PRKD1: variants seen among roughly 807,000 people sequenced by gnomAD.
PRKD1 encodes the protein protein kinase D1, also known as serine/threonine-protein kinase D1.
In PRKD1, 63 loss-of-function variants were observed where a neutral mutation model predicts 95.9. That is an observed-to-expected ratio of 0.66 (90% CI 0.54 to 0.81). PRKD1 has a LOEUF of 0.81. Among genes scored for constraint, PRKD1 ranks in the 30% least tolerant of loss-of-function variants. The pLI is 0.00. For synonymous variants in PRKD1, 425 were observed against 423.1 expected (o/e 1.00, Z -0.05); for missense variants, 1,048 against 1,165.3 (o/e 0.90, Z 1.47).
At chr14:29,896,804 G>A (rs1223058925) in intron 1 of PRKD1, among the ~76,000 whole-genome samples, 1 of 151,658 alleles carries the variant, frequency 6.6e-6, no homozygotes, top group African/African-American at 2.4e-5. Flanking sequence ...AATCTCGTCA[G>A]AGCCTTGGAA....
intron 1 of PRKD1, among the ~76,000 whole-genome samples, chr14:29,868,866 G>T (rs542550651): frequency 1.3e-5 from 2 of 152,056 alleles, no homozygotes; most frequent in Non-Finnish European, 2.9e-5. Context: ...GAGGCCAATC[G>T]ATACGGACAC....
intron 1 of PRKD1, among the ~76,000 whole-genome samples, chr14:29,866,794 T>C (rs1331465887): frequency 1.3e-5 from 2 of 152,186 alleles, no homozygotes; most frequent in Non-Finnish European, 2.9e-5. Context: ...AATGGCATCA[T>C]TGGAGAATCA....
intron 6 of PRKD1, among the ~76,000 whole-genome samples, chr14:29,637,336 C>A (rs1017921867): frequency 6.6e-6 from 1 of 152,076 alleles, no homozygotes; most frequent in African/African-American, 2.4e-5. Context: ...TAATATTGAA[C>A]CTGTCATTAT....
At chr14:29,661,030 G>A (rs1882158003) in intron 4 of PRKD1, among the ~76,000 whole-genome samples, 1 of 152,106 alleles carries the variant, frequency 6.6e-6, no homozygotes, top group African/African-American at 2.4e-5. Context: ...TGCCAAAGTT[G>A]ATGACAGTTG....
intron 1 of PRKD1, among the ~76,000 whole-genome samples, chr14:29,842,064 T>A (rs1260102714): frequency 1.3e-5 from 2 of 152,158 alleles, no homozygotes; most frequent in East Asian, 3.8e-4. Flanking sequence ...TGTCTTCCAA[T>A]CCCACATCTT....
At chr14:29,876,354 G>A (rs778466036) in intron 1 of PRKD1, among the ~76,000 whole-genome samples, 1 of 152,150 alleles carries the variant, frequency 6.6e-6, no homozygotes, top group African/African-American at 2.4e-5. Flanking sequence ...CCTACAAATG[G>A]AGGAGTATAA....
chr14:29,885,353 G>A (rs1893664887), intron 1 of PRKD1, among the ~76,000 whole-genome samples: 1 of 152,010 alleles, frequency 6.6e-6, no homozygotes. Context: ...AATGGGTACT[G>A]CTATTCAAAA....
At chr14:29,698,820 C>T (rs1316765926) in intron 2 of PRKD1, among the ~76,000 whole-genome samples, 1 of 151,992 alleles carries the variant, frequency 6.6e-6, no homozygotes, top group East Asian at 1.9e-4. Context: ...AATTACATCA[C>T]AATGTTCAGC....
At chr14:29,703,568 T>C (rs893218619) in intron 2 of PRKD1, among the ~76,000 whole-genome samples, 1 of 152,156 alleles carries the variant, frequency 6.6e-6, no homozygotes, top group Non-Finnish European at 1.5e-5. Context: ...GATTACTATC[T>C]CACAATCAGA....
In PRKD1 at chr14:29,820,825, T is replaced by G. The variant is rs17096075; in HGVS notation, c.265-95151A>C. ...AATAGCAGTTAACATGTAATTGCCA[T>G]AGTCTTCAAATGTTATCAGAGCTTG... On this transcript the variant is annotated intron_variant, in intron 1 of 17. Coordinates refer to ENST00000331968, the MANE Select transcript of PRKD1 (RefSeq NM_002742.3). 7.0e-3 allele frequency among the ~76,000 whole-genome samples: 1,062 copies of G among 152,312 alleles called. 11 individuals carry two copies. Among genetic ancestry groups the G allele is most frequent in the African/African-American group, 0.025 (1,019 of 41,562 alleles).
At chr14:29,764,107 C>T (rs1888153112) in intron 1 of PRKD1, among the ~76,000 whole-genome samples, 1 of 151,828 alleles carries the variant, frequency 6.6e-6, no homozygotes. Context: ...ATTTTAAAAG[C>T]ATACGGGTCT....
intron 1 of PRKD1, among the ~76,000 whole-genome samples, chr14:29,826,830 T>TATAC (rs1566623114): frequency 7.2e-5 from 2 of 27,878 alleles, no homozygotes; most frequent in African/African-American, 1.4e-4. Flanking sequence ...TATATATATA[T>TATAC]ATATATATAC....
chr14:29,899,690 C>T (rs1394499220), intron 1 of PRKD1, among the ~76,000 whole-genome samples: 2 of 152,056 alleles, frequency 1.3e-5, no homozygotes, highest in Non-Finnish European at 2.9e-5. Context: ...TAGGATTTTG[C>T]CCATATAGAC....
intron 1 of PRKD1, among the ~76,000 whole-genome samples, chr14:29,836,100 G>C (rs1046061564): frequency 3.9e-5 from 6 of 152,166 alleles, no homozygotes; most frequent in Non-Finnish European, 7.3e-5. Flanking sequence ...GGTGACATGA[G>C]AGCATGACTA....
intron 3 of PRKD1, 111 bp from the exon 4 acceptor site, chr14:29,663,970 G>C: frequency 9.0e-7 from 1 of 1,109,608 alleles, no homozygotes; most frequent in Non-Finnish European, 1.3e-6. Flanking sequence ...TTTTCCTTGA[G>C]AGTATTTGGA....
At chr14:29,695,040 C>T (rs1594435672) in intron 2 of PRKD1, among the ~76,000 whole-genome samples, 1 of 152,100 alleles carries the variant, frequency 6.6e-6, no homozygotes, top group African/African-American at 2.4e-5. Flanking sequence ...TAAGACCAGA[C>T]TGCCCAATAT....
intron 2 of PRKD1, among the ~76,000 whole-genome samples, chr14:29,718,235 G>A (rs1329232170): frequency 6.6e-6 from 1 of 152,102 alleles, no homozygotes; most frequent in Non-Finnish European, 1.5e-5. Flanking sequence ...TTATGGAGGT[G>A]GTTTCCCCCA....
chr14:29,783,606 A>G (rs1889143603), intron 1 of PRKD1, among the ~76,000 whole-genome samples: 3 of 152,204 alleles, frequency 2.0e-5, no homozygotes, highest in Admixed American at 1.3e-4. Context: ...ACTAATTTAC[A>G]TTCCCATCAA....
intron 13 of PRKD1, among the ~76,000 whole-genome samples, chr14:29,623,102 A>G (rs1436585535): frequency 6.6e-6 from 1 of 152,206 alleles, no homozygotes. Context: ...TCCATTAATT[A>G]GTATCTTCAC....
Sources: gnomAD v4.1 joint callset for allele counts (sites outside exome capture counted in the v4.1 genomes callset) on GRCh38, gnomAD v4.1.1 for gene constraint, MANE v1.5 for transcripts, NCBI Gene and HGNC (gene_info 2026-07-23, HGNC 2026-07-21) for gene names.